The following KSR1 variants were observed in gnomAD, a reference collection of about 807,000 sequenced individuals.
KSR1 encodes the protein kinase suppressor of ras.
In KSR1, 35 loss-of-function variants were observed where a neutral mutation model predicts 92.9. The ratio of observed to expected loss-of-function variants is 0.38; its 90% CI spans 0.29 to 0.50. The LOEUF (loss-of-function observed/expected upper bound fraction) is 0.50. KSR1 is among the 20% of genes least tolerant of loss of function. The pLI is 0.94. For missense variants in KSR1, 972 were observed against 1,158.5 expected (o/e 0.84, Z 2.34); for synonymous variants, 467 against 472.6 (o/e 0.99, Z 0.15).
intron 1 of KSR1, among the ~76,000 whole-genome samples, chr17:27,474,285 G>A: frequency 6.6e-6 from 1 of 152,238 alleles, no homozygotes; most frequent in East Asian, 1.9e-4. Context: ...TAGCAAACAG[G>A]CCCCTGTCAC....
At chr17:27,514,824 T>A (rs2069729772) in intron 1 of KSR1, among the ~76,000 whole-genome samples, 1 of 152,220 alleles carries the variant, frequency 6.6e-6, no homozygotes, top group Non-Finnish European at 1.5e-5. Context: ...ACTCCCAAGA[T>A]GGCTGCTATA....
intron 1 of KSR1, among the ~76,000 whole-genome samples, chr17:27,498,982 A>G (rs1023018681): frequency 6.6e-6 from 1 of 152,198 alleles, no homozygotes; most frequent in African/African-American, 2.4e-5. Flanking sequence ...ACTTCTATGA[A>G]AAAATGGAAT....
In KSR1 at chr17:27,610,117, C is replaced by T. The variant is rs1282930872; in HGVS notation, c.2276C>T (p.Pro759Leu). 6.2e-7 allele frequency: 1 copy of T among 1,614,030 alleles called. No homozygotes were observed. The highest frequency in any genetic ancestry group is 8.5e-7 in the Non-Finnish European group (1 of 1,179,878). The change falls in exon 17 of 21, where the codon CCT becomes CTT. Residue 759 changes from proline to leucine, a missense_variant. This residue lies in a region of KSR1 where 260 missense variants were observed against 375.2 expected (regional missense o/e 0.69). Transcript: ENST00000644974. ...LSHDWLCYLA[P>L]EIVREMTPGK... ...CACGACTGGCTGTGCTATCTGGCCC[C>T]TGAGATTGTACGCGAGATGACCCCC...
chr17:27,531,404 T>A (rs2070532400), intron 1 of KSR1, among the ~76,000 whole-genome samples: 1 of 152,160 alleles, frequency 6.6e-6, no homozygotes, highest in Admixed American at 6.5e-5. Flanking sequence ...CTGGCAAACC[T>A]TTTCCCCTGA....
intron 18 of KSR1, among the ~76,000 whole-genome samples, chr17:27,616,187 A>T (rs1000343817): frequency 6.6e-6 from 1 of 151,844 alleles, no homozygotes; most frequent in Non-Finnish European, 1.5e-5. Flanking sequence ...CTTCTGGTAA[A>T]TTTTCTTTTA....
chr17:27,549,369 C>T (rs187912694), intron 1 of KSR1, among the ~76,000 whole-genome samples: 55 of 152,300 alleles, frequency 3.6e-4, no homozygotes, highest in Admixed American at 1.6e-3. Flanking sequence ...GCAGTGAGCT[C>T]GTTTCCATCT....
intron 1 of KSR1, among the ~76,000 whole-genome samples, chr17:27,522,328 A>G (rs1230751083): frequency 6.6e-6 from 1 of 152,120 alleles, no homozygotes; most frequent in Non-Finnish European, 1.5e-5. Flanking sequence ...CTAAACAACC[A>G]CGCAATCCTC....
chr17:27,467,653 C>T (rs1296615187), intron 1 of KSR1, among the ~76,000 whole-genome samples: 1 of 152,146 alleles, frequency 6.6e-6, no homozygotes, highest in Non-Finnish European at 1.5e-5. Flanking sequence ...CGTGGTGGGT[C>T]CATCTGGTCA....
chr17:27,490,900 A>T (rs571809839), intron 1 of KSR1, among the ~76,000 whole-genome samples: 1 of 152,320 alleles, frequency 6.6e-6, no homozygotes, highest in South Asian at 2.1e-4. Context: ...AACAGGGGAA[A>T]GGCTGAGTCA....
chr17:27,558,731 C>A (rs1354956102), intron 2 of KSR1, among the ~76,000 whole-genome samples: 1 of 148,310 alleles, frequency 6.7e-6, no homozygotes, highest in Non-Finnish European at 1.5e-5. Context: ...TGGAAGGGAA[C>A]AAAATCCGTG....
At position 27,609,327 on chromosome 17, in the gene KSR1, A is replaced by G; in HGVS notation, c.2223A>G (p.Gly741=). 6.2e-7 allele frequency: 1 copy of G among 1,613,696 alleles called. No individual in the cohort carries two copies. Residue 741 remains glycine, a splice_region_variant and synonymous_variant, in exon 16 of 21, where the codon GGA becomes GGG. Transcript: ENST00000644974. ...LFGISGVVRE[G]RRENQLKLSH... ...GGATCTCAGGCGTGGTCCGAGAGGG[A>G]CGGTGAGTTGGTCTTGAGTGTCTGG...
intron 1 of KSR1, among the ~76,000 whole-genome samples, chr17:27,508,470 A>G (rs2069475627): frequency 6.6e-6 from 1 of 152,070 alleles, no homozygotes; most frequent in Non-Finnish European, 1.5e-5. Context: ...GAGTCCTGCT[A>G]TTTGTAAGTG....
intron 1 of KSR1, among the ~76,000 whole-genome samples, chr17:27,512,560 A>G (rs977653356): frequency 2.6e-4 from 40 of 152,312 alleles, no homozygotes; most frequent in Admixed American, 1.8e-3. Flanking sequence ...CCCCGTCTCT[A>G]CTAAAAACAA....
intron 2 of KSR1, chr17:27,566,335 G>C (rs1430625498): frequency 5.0e-6 from 2 of 396,796 alleles, no homozygotes; most frequent in African/African-American, 4.1e-5. Flanking sequence ...AACTATTTTT[G>C]GCTGCAGTGA....
chr17:27,606,845 T>G (rs2151235646), intron 14 of KSR1, among the ~76,000 whole-genome samples: 1 of 151,840 alleles, frequency 6.6e-6, no homozygotes, highest in Non-Finnish European at 1.5e-5. Context: ...TAATTAATGA[T>G]AAACTAGACA....
At chr17:27,482,267 A>G (rs1462266792) in intron 1 of KSR1, among the ~76,000 whole-genome samples, 3 of 152,142 alleles carry the variant, frequency 2.0e-5, no homozygotes, top group Non-Finnish European at 2.9e-5. Context: ...TTATATGTAT[A>G]TAAAAATTAT....
chr17:27,590,741 G>A (rs2073136082), intron 6 of KSR1, 70 bp from the exon 7 acceptor site: 2 of 1,457,150 alleles, frequency 1.4e-6, no homozygotes, highest in East Asian at 2.4e-5. Flanking sequence ...GAGCTCCATG[G>A]GAAACCTTCT....
chr17:27,588,610 ACT>A, intron 6 of KSR1, 75 bp downstream of exon 6: 1 of 1,334,870 alleles, frequency 7.5e-7, no homozygotes, highest in Non-Finnish European at 1.0e-6. Context: ...AGTTCTGGTC[ACT>A]GTTTCTCAGC....
chr17:27,535,584 A>G (rs2070725676), intron 1 of KSR1, among the ~76,000 whole-genome samples: 2 of 152,176 alleles, frequency 1.3e-5, no homozygotes. Flanking sequence ...TAACAGATCA[A>G]CAATCGTGAT....
Sources: allele counts gnomAD v4.1 joint callset (sites outside exome capture counted in the v4.1 genomes callset), GRCh38; gene constraint gnomAD v4.1.1; regional missense constraint gnomAD v4.1.1; transcripts MANE v1.5; gene names NCBI Gene and HGNC (gene_info 2026-07-23, HGNC 2026-07-21).